Variants in FBXL17 observed in about 807,000 individuals in gnomAD.
FBXL17 encodes the protein F-box and leucine rich repeat protein 17, also known as F-box/LRR-repeat protein 17.
FBXL17 carries 22 observed loss-of-function variants against 66.2 expected under a neutral mutation model. That is an observed-to-expected ratio of 0.33 (90% CI 0.24 to 0.47). The LOEUF (loss-of-function observed/expected upper bound fraction) is 0.47. FBXL17 is among the 20% of genes least tolerant of loss of function. FBXL17 has a pLI of 1.00. For synonymous variants in FBXL17, 474 were observed against 400.5 expected, an observed-to-expected ratio of 1.18 and a Z score of -2.19; for missense variants, 878 against 948.2, an observed-to-expected ratio of 0.93 and a Z score of 0.97.
chr5:107,891,738 G>A (rs547086807), intron 7 of FBXL17, among the ~76,000 whole-genome samples: 7 of 152,250 alleles, frequency 4.6e-5, no homozygotes, highest in African/African-American at 1.7e-4. Context: ...GTGTGTCTAA[G>A]TGTCCTTGGA....
chr5:107,955,984 T>C (rs1265495591), intron 7 of FBXL17, among the ~76,000 whole-genome samples: 1 of 152,154 alleles, frequency 6.6e-6, no homozygotes, highest in African/African-American at 2.4e-5. Flanking sequence ...CTCTAATTCA[T>C]CTGAAGAAAG....
intron 6 of FBXL17, among the ~76,000 whole-genome samples, chr5:108,049,194 G>A (rs1049970908): frequency 3.3e-5 from 5 of 151,860 alleles, no homozygotes; most frequent in Admixed American, 3.3e-4. Context: ...CCAGGCTGGA[G>A]TGCAGCGGCG....
intron 3 of FBXL17, among the ~76,000 whole-genome samples, chr5:108,353,837 A>G (rs1747793602): frequency 6.6e-6 from 1 of 152,138 alleles, no homozygotes; most frequent in Non-Finnish European, 1.5e-5. Flanking sequence ...TCCTAAAACT[A>G]TAGATCATTC....
intron 8 of FBXL17, among the ~76,000 whole-genome samples, chr5:107,877,939 G>A (rs1267153297): frequency 6.6e-6 from 1 of 152,000 alleles, no homozygotes; most frequent in Non-Finnish European, 1.5e-5. Flanking sequence ...TCTGTTTCCT[G>A]TCTCTATTCT....
chr5:107,970,906 G>T (rs1383397895), intron 7 of FBXL17, among the ~76,000 whole-genome samples: 1 of 152,192 alleles, frequency 6.6e-6, no homozygotes, highest in Non-Finnish European at 1.5e-5. Flanking sequence ...AGTTGCTTAT[G>T]TGAGCGTCAG....
intron 4 of FBXL17, among the ~76,000 whole-genome samples, chr5:108,308,199 T>C (rs1422633140): frequency 2.0e-5 from 3 of 152,086 alleles, no homozygotes; most frequent in Non-Finnish European, 4.4e-5. Flanking sequence ...AAGAATATTA[T>C]TGTATTAATA....
At chr5:108,044,602 A>C (rs974076739) in intron 6 of FBXL17, among the ~76,000 whole-genome samples, 2 of 152,130 alleles carry the variant, frequency 1.3e-5, no homozygotes, top group African/African-American at 4.8e-5. Flanking sequence ...ACTTCTTTGA[A>C]GTGTATTTTT....
intron 7 of FBXL17, among the ~76,000 whole-genome samples, chr5:108,019,639 T>C (rs1357846115): frequency 6.6e-6 from 1 of 151,672 alleles, no homozygotes; most frequent in Non-Finnish European, 1.5e-5. Context: ...AATATACATA[T>C]ATAATACACA....
At chr5:108,372,339 A>C (rs1749099455) in intron 1 of FBXL17, among the ~76,000 whole-genome samples, 1 of 152,228 alleles carries the variant, frequency 6.6e-6, no homozygotes, top group African/African-American at 2.4e-5. Context: ...CACAGAAGGA[A>C]AAGAGAGTGA....
intron 5 of FBXL17, among the ~76,000 whole-genome samples, chr5:108,191,050 A>G (rs1008812927): frequency 2.6e-5 from 4 of 152,244 alleles, no homozygotes; most frequent in Non-Finnish European, 5.9e-5. Flanking sequence ...ATACTTTGAC[A>G]TATGACTCTT....
chr5:107,912,393 T>C (rs1749978522), intron 7 of FBXL17, among the ~76,000 whole-genome samples: 1 of 152,052 alleles, frequency 6.6e-6, no homozygotes, highest in Non-Finnish European at 1.5e-5. Context: ...TTTATTATAG[T>C]GAAAAATGAA....
intron 8 of FBXL17, among the ~76,000 whole-genome samples, chr5:107,865,037 T>G (rs1377565962): frequency 2.0e-5 from 3 of 152,224 alleles, no homozygotes; most frequent in Non-Finnish European, 2.9e-5. Context: ...AAAATCTGCA[T>G]CACATTGCAA....
At chr5:108,310,806 A>G (rs557291642) in intron 4 of FBXL17, among the ~76,000 whole-genome samples, 2 of 152,306 alleles carry the variant, frequency 1.3e-5, no homozygotes, top group Admixed American at 1.3e-4. Context: ...CAAAGGCAAT[A>G]TGTGACTTGT....
intron 6 of FBXL17, among the ~76,000 whole-genome samples, chr5:108,150,348 C>A (rs1238519619): frequency 6.6e-6 from 1 of 152,122 alleles, no homozygotes; most frequent in Admixed American, 6.5e-5. Context: ...GGACCACAGG[C>A]ACATGCCACC....
intron 4 of FBXL17, among the ~76,000 whole-genome samples, chr5:108,262,074 A>ATTTTT (rs375770362): frequency 7.4e-5 from 10 of 135,710 alleles, no homozygotes; most frequent in African/African-American, 2.3e-4. Context: ...TTATTTATTT[A>ATTTTT]TTTATTTATT....
intron 6 of FBXL17, among the ~76,000 whole-genome samples, chr5:108,071,978 T>C (rs1329055279): frequency 1.3e-5 from 2 of 152,132 alleles, no homozygotes; most frequent in Non-Finnish European, 2.9e-5. Flanking sequence ...CAGCATCAGA[T>C]TGGTTCTTCC....
At chr5:107,931,259 T>TTA (rs201117456) in intron 7 of FBXL17, among the ~76,000 whole-genome samples, 36,266 of 123,694 alleles carry the variant, frequency 0.29, 4,764 homozygotes, top group East Asian at 0.48. Context: ...TAAAGAGAAT[T>TTA]TTTTTTTTTT....
At chr5:108,113,273 A>G (rs955216083) in intron 6 of FBXL17, among the ~76,000 whole-genome samples, 3 of 152,136 alleles carry the variant, frequency 2.0e-5, no homozygotes, top group African/African-American at 7.2e-5. Flanking sequence ...TTTATTTTCT[A>G]AGTTAAAAGA....
intron 7 of FBXL17, among the ~76,000 whole-genome samples, chr5:107,952,966 C>G (rs529710393): frequency 2.0e-5 from 3 of 152,098 alleles, no homozygotes; most frequent in Non-Finnish European, 4.4e-5. Flanking sequence ...TTACTCCCAC[C>G]AAATATTCCT....
Sources: allele counts gnomAD v4.1 joint callset (sites outside exome capture counted in the v4.1 genomes callset), GRCh38; gene constraint gnomAD v4.1.1; transcripts MANE v1.5; gene names NCBI Gene and HGNC (gene_info 2026-07-23, HGNC 2026-07-21).